Variants in SLMAP observed in about 807,000 individuals in gnomAD.
The protein encoded by SLMAP is sarcolemmal membrane-associated protein.
SLMAP carries 44 observed loss-of-function variants against 128.8 expected under a neutral mutation model. The ratio of observed to expected loss-of-function variants is 0.34; its 90% CI spans 0.27 to 0.44. The LOEUF (loss-of-function observed/expected upper bound fraction) is 0.44. Among genes scored for constraint, SLMAP ranks in the 20% least tolerant of loss-of-function variants. SLMAP has a pLI of 1.00. For synonymous variants in SLMAP, 327 were observed against 348.8 expected, an observed-to-expected ratio of 0.94 and a Z score of 0.70; for missense variants, 787 against 985.3, an observed-to-expected ratio of 0.80 and a Z score of 2.69.
intron 10 of SLMAP, among the ~76,000 whole-genome samples, 198 bp downstream of exon 10, chr3:57,862,284 C>T (rs2095108384): frequency 6.6e-6 from 1 of 151,960 alleles, no homozygotes; most frequent in Non-Finnish European, 1.5e-5. Context: ...CGTCACTGCA[C>T]TCCAGCCTGG....
At chr3:57,905,300 G>C (rs1015142727) in intron 17 of SLMAP, among the ~76,000 whole-genome samples, 8 of 150,328 alleles carry the variant, frequency 5.3e-5, no homozygotes, top group African/African-American at 2.0e-4. Flanking sequence ...TTTCTTTTTT[G>C]ATACAGAGTC....
intron 17 of SLMAP, chr3:57,900,540 A>C (rs11715359): frequency 0.11 from 16,010 of 152,222 alleles, 1,009 homozygotes; most frequent in South Asian, 0.15. Context: ...GTCGGGCCGG[A>C]CGTAGTGGCT....
At chr3:57,919,761 C>G (rs1223444443) in intron 22 of SLMAP, among the ~76,000 whole-genome samples, 1 of 151,302 alleles carries the variant, frequency 6.6e-6, no homozygotes, top group African/African-American at 2.4e-5. Context: ...CACCATTGCA[C>G]TCCAGCCTAG....
chr3:57,888,304 A>G (rs1241712817), intron 14 of SLMAP, among the ~76,000 whole-genome samples: 2 of 152,218 alleles, frequency 1.3e-5, no homozygotes, highest in East Asian at 3.8e-4. Flanking sequence ...TATATGACTC[A>G]TTATATAAAA....
At chr3:57,884,629 G>A (rs1260432301) in intron 14 of SLMAP, among the ~76,000 whole-genome samples, 3 of 152,036 alleles carry the variant, frequency 2.0e-5, no homozygotes, top group Non-Finnish European at 2.9e-5. Flanking sequence ...GCAACATGGC[G>A]AAACCACGTC....
intron 20 of SLMAP, 100 bp from the exon 21 acceptor site, chr3:57,913,058 G>A (rs981449113): frequency 5.5e-5 from 34 of 620,526 alleles, no homozygotes; most frequent in Non-Finnish European, 9.3e-5. Context: ...TTTTAAGGGG[G>A]CAAAAAGTAT....
intron 11 of SLMAP, 23 bp from the exon 12 acceptor site, chr3:57,864,784 T>A: frequency 6.4e-7 from 1 of 1,573,964 alleles, no homozygotes; most frequent in Non-Finnish European, 8.6e-7. Context: ...ATATCTTTTT[T>A]TTTTTTGGAC....
intron 6 of SLMAP, among the ~76,000 whole-genome samples, chr3:57,853,941 C>CA (rs767741519): frequency 0.31 from 11,834 of 37,752 alleles, 2,352 homozygotes; most frequent in South Asian, 0.39. Context: ...AATTCTGTCT[C>CA]AAAAAAAAAA....
At chr3:57,841,146 T>G (rs2153563428) in intron 3 of SLMAP, among the ~76,000 whole-genome samples, 153 bp from the exon 4 acceptor site, 1 of 152,352 alleles carries the variant, frequency 6.6e-6, no homozygotes, top group Non-Finnish European at 1.5e-5. Flanking sequence ...AAGATGAGTT[T>G]CTCCAGGGTA....
In SLMAP at chr3:57,896,884, G is replaced by A; in HGVS notation, c.1453G>A (p.Asp485Asn). The part of the protein sequence containing the change: ...SSDDTTDAQM[D>N]EQDLNEPLAK... ...TTTCCTCTCTGTAGACGCCCAAATG[G>A]ATGAGCAAGACCTAAATGAGCCTCT... Residue 485 changes from aspartate to asparagine, a missense_variant, in exon 17 of 25, where the codon GAT (aspartate) becomes AAT (asparagine). Asp to Asn is a conservative substitution (Grantham distance 23). Coordinates refer to ENST00000671191, the MANE Select transcript of SLMAP (RefSeq NM_001377540.1). The A allele has an allele frequency of 6.2e-7, 1 of 1,607,012 alleles. No homozygotes were observed. Among genetic ancestry groups the A allele is most frequent in the African/African-American group, 1.3e-5 (1 of 74,618 alleles).
chr3:57,884,931 AATAT>A (rs2095840547), intron 14 of SLMAP, among the ~76,000 whole-genome samples: 1 of 152,230 alleles, frequency 6.6e-6, no homozygotes, highest in Non-Finnish European at 1.5e-5. Context: ...CTCACCCTTG[AATAT>A]GAAGAGAAAG....
chr3:57,903,500 TG>T (rs2096449272), intron 17 of SLMAP, among the ~76,000 whole-genome samples: 1 of 152,210 alleles, frequency 6.6e-6, no homozygotes, highest in South Asian at 2.1e-4. Flanking sequence ...CTTTACCAAG[TG>T]GATCAGTGTG....
rs563737906 is a variant in SLMAP, at chr3:57,842,555, T to A, written c.419+1184T>A. On this transcript the variant is annotated intron_variant, in intron 4 of 24. Transcript: ENST00000671191. ...TATTGCTTCTTAAAGACCTTGATGT[T>A]TGTATTTGATAATGAGATTTTTCTT... 5.3e-5 allele frequency among the ~76,000 whole-genome samples: 8 copies of A among 152,270 alleles called. 1 individual carries two copies. In the South Asian group the frequency reaches 1.7e-3, roughly 32 times the overall value.
intron 4 of SLMAP, among the ~76,000 whole-genome samples, chr3:57,844,991 T>C (rs2094173253): frequency 6.6e-6 from 1 of 152,198 alleles, no homozygotes; most frequent in Non-Finnish European, 1.5e-5. Context: ...TTTCACTATA[T>C]GTGCATATCT....
At chr3:57,792,893 TTTGAGAGGCTAAGCGGGGTGGATTGC>T (rs1459869995) in intron 2 of SLMAP, among the ~76,000 whole-genome samples, 1 of 152,106 alleles carries the variant, frequency 6.6e-6, no homozygotes, top group East Asian at 1.9e-4. Context: ...ATCCCAGCAC[TTTGAGAGGCTAAGCGGGGTGGATTGC>T]TTGAGCTCAG....
chr3:57,882,427 A>G (rs370539735), intron 14 of SLMAP, among the ~76,000 whole-genome samples: 7 of 152,362 alleles, frequency 4.6e-5, no homozygotes, highest in South Asian at 2.1e-4. Context: ...GCTGAGTTGT[A>G]TGTGTGTCTG....
intron 2 of SLMAP, among the ~76,000 whole-genome samples, chr3:57,782,328 A>C (rs1256616823): frequency 6.6e-6 from 1 of 152,182 alleles, no homozygotes; most frequent in Non-Finnish European, 1.5e-5. Context: ...TATAGGCAGA[A>C]GTTTCCTTTC....
chr3:57,769,350 C>T (rs1376761313), intron 2 of SLMAP, among the ~76,000 whole-genome samples: 12 of 152,066 alleles, frequency 7.9e-5, no homozygotes, highest in Non-Finnish European at 7.4e-5. Context: ...CCTGTCACCA[C>T]GCCCAGCCAG....
chr3:57,851,991 A>G (rs773446129), intron 6 of SLMAP, among the ~76,000 whole-genome samples: 7 of 151,356 alleles, frequency 4.6e-5, no homozygotes, highest in Non-Finnish European at 1.0e-4. Flanking sequence ...GCTCACTGCA[A>G]CCTCCACTTC....
Sources: allele counts gnomAD v4.1 joint callset (sites outside exome capture counted in the v4.1 genomes callset), GRCh38; gene constraint gnomAD v4.1.1; transcripts MANE v1.5; gene names NCBI Gene and HGNC (gene_info 2026-07-23, HGNC 2026-07-21).